The following NEBL variants were observed in gnomAD, a reference collection of about 807,000 sequenced individuals.
The protein encoded by NEBL is LIM and SH3 protein 2.
Under a neutral mutation model 140.2 loss-of-function variants are expected in NEBL, and 122 were observed. The observed-to-expected ratio is 0.87, with a 90% CI of 0.75 to 1.01. The LOEUF (loss-of-function observed/expected upper bound fraction) is 1.01, where lower values mean the gene tolerates loss of function less well. Ranked by LOEUF, NEBL falls within the 50% of genes least tolerant of loss-of-function variation. The pLI is 0.00. For synonymous variants in NEBL, 436 were observed against 398.9 expected, an observed-to-expected ratio of 1.09 and a Z score of -1.11; for missense variants, 1,365 against 1,231.3, an observed-to-expected ratio of 1.11 and a Z score of -1.62.
chr10:21,217,260 A>C (rs565843005), intron 3 of NEBL, among the ~76,000 whole-genome samples: 161 of 152,310 alleles, frequency 1.1e-3, no homozygotes, highest in Non-Finnish European at 2.0e-3. Flanking sequence ...AGGAATCCAG[A>C]AGTTTCCTCC....
intron 2 of NEBL, among the ~76,000 whole-genome samples, chr10:21,163,363 T>C (rs962328053): frequency 1.3e-5 from 2 of 152,114 alleles, no homozygotes; most frequent in African/African-American, 4.8e-5. Flanking sequence ...GAGAAGACAG[T>C]GCAGGTTATC....
chr10:21,226,159 C>A lies in NEBL; in HGVS notation n.348+21762G>T, dbSNP rs114707583. On this transcript the variant is annotated intron_variant and non_coding_transcript_variant, in intron 3 of 8. Coordinates refer to the NEBL transcript ENST00000675702. ...AAGGCAGCAGGTTCCCTTCTGGCCCCCAGTGTGTCTAGAAATGTCAGGGAG... is the reference window on the plus strand; with the variant it reads ...AAGGCAGCAGGTTCCCTTCTGGCCCACAGTGTGTCTAGAAATGTCAGGGAG... 1.1e-3 allele frequency among the ~76,000 whole-genome samples: 165 copies of A among 152,096 alleles called. 2 individuals are homozygous for A. Among genetic ancestry groups the A allele is most frequent in the African/African-American group, 3.8e-3 (159 of 41,488 alleles).
chr10:21,250,110 T>C lies in NEBL; in HGVS notation n.279+1622A>G, dbSNP rs1403183942. The stretch of plus-strand genomic sequence containing the variant: ...CACAATGGATCTCTGTGATGGTTAA[T>C]ACTGAGTGTCAACTTGATTGGATTG... On this transcript the variant is annotated intron_variant and non_coding_transcript_variant, in intron 2 of 8. Coordinates refer to the NEBL transcript ENST00000675702. Among the ~76,000 whole-genome samples the C allele has an allele frequency of 4.6e-5, 7 of 152,140 alleles. No individual in the cohort carries two copies. The East Asian group carries it at 1.3e-3, about 29-fold the overall frequency.
At chr10:20,996,835 A>G (rs1589120722) in intron 3 of NEBL, among the ~76,000 whole-genome samples, 1 of 152,202 alleles carries the variant, frequency 6.6e-6, no homozygotes, top group East Asian at 1.9e-4. Context: ...CCAACTCTCA[A>G]TACTAACTGT....
chr10:20,860,357 A>T (rs1013690082), intron 7 of NEBL, among the ~76,000 whole-genome samples: 1 of 151,906 alleles, frequency 6.6e-6, no homozygotes, highest in African/African-American at 2.4e-5. Flanking sequence ...TCAATGTAAA[A>T]CTTTCTCTGC....
At chr10:20,892,366 T>C (rs920504799) in intron 2 of NEBL, among the ~76,000 whole-genome samples, 17 of 152,190 alleles carry the variant, frequency 1.1e-4, no homozygotes, top group Non-Finnish European at 2.4e-4. Context: ...GCAGCAATGA[T>C]GTCATTACCA....
intron 2 of NEBL, among the ~76,000 whole-genome samples, chr10:21,098,704 T>C (rs1314070716): frequency 6.6e-6 from 1 of 152,190 alleles, no homozygotes; most frequent in East Asian, 1.9e-4. Flanking sequence ...TACATATGTA[T>C]CATCATAAGC....
intron 2 of NEBL, among the ~76,000 whole-genome samples, chr10:20,894,866 T>C (rs1250781344): frequency 6.7e-6 from 1 of 149,602 alleles, no homozygotes; most frequent in African/African-American, 2.5e-5. Flanking sequence ...GAGGCGGAGC[T>C]TGCAGTGAGC....
chr10:21,207,554 A>T (rs1010825011), intron 3 of NEBL, among the ~76,000 whole-genome samples: 2 of 151,736 alleles, frequency 1.3e-5, no homozygotes, highest in Non-Finnish European at 2.9e-5. Flanking sequence ...TCTCCACCCT[A>T]CTTTGCCCTA....
intron 2 of NEBL, among the ~76,000 whole-genome samples, chr10:21,167,777 G>A (rs1421562204): frequency 6.6e-6 from 1 of 152,138 alleles, no homozygotes; most frequent in Non-Finnish European, 1.5e-5. Flanking sequence ...TATTAGCTAT[G>A]TTTTTTGTCT....
intron 3 of NEBL, among the ~76,000 whole-genome samples, chr10:21,201,276 C>T (rs908769307): frequency 2.6e-5 from 4 of 152,180 alleles, no homozygotes; most frequent in Admixed American, 1.3e-4. Flanking sequence ...CTGCCTGTGT[C>T]GGGCTTTCTC....
rs1226567130 is a variant in NEBL, at chr10:20,896,992, T to A, written c.119A>T (p.Glu40Val). 7 of 1,613,860 alleles carry A rather than the reference T, an allele frequency of 4.3e-6. No individual in the cohort carries two copies. The highest frequency in any genetic ancestry group is 5.9e-6 in the Non-Finnish European group (7 of 1,179,994). The change falls in exon 2 of 28, where the codon GAA (glutamate) becomes GTA (valine). Residue 40 changes from glutamate (E) to valine (V), a missense_variant. By Grantham distance (121) the Glu-to-Val change is moderately radical (BLOSUM62 -2). Transcript: ENST00000377122. The stretch of plus-strand genomic sequence containing the variant: ...GAGTTCCGTGCATTTTCTGGCCAAT[T>A]CCATGCTTAAGTCTTCAATAACAGG... Reference protein sequence around the residue: ...YKPVIEDLSMELARKCTELIS... With the variant: ...YKPVIEDLSMVLARKCTELIS...
chr10:21,134,327 G>A lies in NEBL; in HGVS notation c.164+38056C>T, dbSNP rs139850282. ...CATGTCCTACTCTCCTAGACTCAAA[G>A]CTGCTTTATAAAGACAATGTATTCT... On this transcript the variant is annotated intron_variant, in intron 2 of 6. Transcript: ENST00000417816. Among the ~76,000 whole-genome samples, 74 of 152,072 alleles carry A rather than the reference G, an allele frequency of 4.9e-4. 1 individual carries two copies. The East Asian group carries it at 0.013, about 27-fold the overall frequency.
intron 2 of NEBL, among the ~76,000 whole-genome samples, chr10:21,171,382 A>G (rs1841070783): frequency 6.6e-6 from 1 of 151,650 alleles, no homozygotes; most frequent in South Asian, 2.1e-4. Context: ...GAAAAGAAAG[A>G]GAAAACTTAA....
At chr10:21,163,324 A>G (rs1220796104) in intron 2 of NEBL, among the ~76,000 whole-genome samples, 2 of 152,186 alleles carry the variant, frequency 1.3e-5, no homozygotes, top group Non-Finnish European at 2.9e-5. Context: ...AGCTCAGGAG[A>G]CTGGGCAGAT....
At chr10:21,039,585 A>G (rs1302414623) in intron 2 of NEBL, among the ~76,000 whole-genome samples, 1 of 152,178 alleles carries the variant, frequency 6.6e-6, no homozygotes, top group Non-Finnish European at 1.5e-5. Flanking sequence ...TTCAAGAGAG[A>G]ACTAAATTAT....
chr10:20,997,169 T>C (rs1163455890), intron 3 of NEBL, among the ~76,000 whole-genome samples: 1 of 152,194 alleles, frequency 6.6e-6, no homozygotes, highest in Non-Finnish European at 1.5e-5. Context: ...AACTCTTTAA[T>C]CCTAATCCTG....
intron 4 of NEBL, among the ~76,000 whole-genome samples, chr10:20,945,948 G>A (rs1168506279): frequency 2.0e-5 from 3 of 152,220 alleles, no homozygotes; most frequent in Admixed American, 1.3e-4. Context: ...TTGCTCATCA[G>A]TGAAATGAGA....
At chr10:20,825,089 T>C (rs759494253) in intron 18 of NEBL, among the ~76,000 whole-genome samples, 14 of 152,204 alleles carry the variant, frequency 9.2e-5, no homozygotes, top group Non-Finnish European at 1.5e-4. Flanking sequence ...ACAGAGGTTT[T>C]ATTGCACTCA....
Sources: allele counts gnomAD v4.1 joint callset (sites outside exome capture counted in the v4.1 genomes callset), GRCh38; gene constraint gnomAD v4.1.1; transcripts MANE v1.5; gene names NCBI Gene and HGNC (gene_info 2026-07-23, HGNC 2026-07-21).